Variants in CDH12 observed in about 807,000 individuals in gnomAD.
CDH12 encodes the protein cadherin-12.
CDH12 carries 41 observed loss-of-function variants against 74.1 expected under a neutral mutation model. The ratio of observed to expected loss-of-function variants is 0.55; its 90% CI spans 0.43 to 0.72. The LOEUF (loss-of-function observed/expected upper bound fraction) is 0.72, where lower values mean the gene tolerates loss of function less well. Among genes scored for constraint, CDH12 ranks in the 30% least tolerant of loss-of-function variants. The pLI is 0.00. For missense variants in CDH12, 945 were observed against 977.2 expected (o/e 0.97, Z 0.44); for synonymous variants, 399 against 355.0 (o/e 1.12, Z -1.39).
At chr5:21,829,995 T>G (rs1748913481) in intron 8 of CDH12, among the ~76,000 whole-genome samples, 2 of 151,840 alleles carry the variant, frequency 1.3e-5, no homozygotes, top group Admixed American at 1.3e-4. Context: ...GGTCAGGAAT[T>G]TAAGACCAGC....
At chr5:22,732,471 TACACACACACACAC>T (rs58402882) in intron 1 of CDH12, among the ~76,000 whole-genome samples, 8 of 72,666 alleles carry the variant, frequency 1.1e-4, no homozygotes, top group African/African-American at 4.0e-4. Flanking sequence ...TATATATATA[TACACACACACACAC>T]ACACACACAC....
At chr5:22,102,594 G>T (rs901421116) in intron 4 of CDH12, among the ~76,000 whole-genome samples, 1 of 152,034 alleles carries the variant, frequency 6.6e-6, no homozygotes, top group Non-Finnish European at 1.5e-5. Flanking sequence ...GCTTGTACCC[G>T]GGAGGCGTAG....
At chr5:22,090,722 T>C (rs1234150175) in intron 4 of CDH12, among the ~76,000 whole-genome samples, 5 of 151,918 alleles carry the variant, frequency 3.3e-5, no homozygotes, top group Non-Finnish European at 7.4e-5. Flanking sequence ...AAAGAGATTA[T>C]ACACTATGAC....
intron 6 of CDH12, among the ~76,000 whole-genome samples, chr5:21,913,827 G>A (rs1473079506): frequency 1.3e-5 from 2 of 151,906 alleles, no homozygotes; most frequent in Non-Finnish European, 2.9e-5. Flanking sequence ...GGGACTACAG[G>A]TATGCACCAC....
chr5:21,791,293 T>G (rs373648088), intron 10 of CDH12, among the ~76,000 whole-genome samples: 6 of 152,150 alleles, frequency 3.9e-5, no homozygotes, highest in Non-Finnish European at 1.5e-5. Context: ...AGACCATCAA[T>G]GAACTTGCAA....
At chr5:22,590,413 T>C (rs1740643744) in intron 1 of CDH12, among the ~76,000 whole-genome samples, 1 of 152,136 alleles carries the variant, frequency 6.6e-6, no homozygotes, top group Non-Finnish European at 1.5e-5. Context: ...TAAAAAAACA[T>C]GTAAAGTCTG....
intron 1 of CDH12, among the ~76,000 whole-genome samples, chr5:22,726,920 C>T (rs1301822961): frequency 1.3e-5 from 2 of 151,800 alleles, no homozygotes; most frequent in Admixed American, 6.6e-5. Context: ...TTTATAAACA[C>T]TCTTATTCTC....
intron 1 of CDH12, among the ~76,000 whole-genome samples, chr5:22,746,574 A>G (rs1348013181): frequency 6.6e-6 from 1 of 152,186 alleles, no homozygotes; most frequent in East Asian, 1.9e-4. Flanking sequence ...GCATGCAAAT[A>G]TATGTATTTC....
At chr5:22,393,979 A>G (rs1168726123) in intron 3 of CDH12, among the ~76,000 whole-genome samples, 1 of 152,086 alleles carries the variant, frequency 6.6e-6, no homozygotes, top group Non-Finnish European at 1.5e-5. Context: ...TTTACTGCTT[A>G]TTGAAAACTG....
At chr5:22,477,240 C>CCT (rs1420310355) in intron 2 of CDH12, among the ~76,000 whole-genome samples, 5 of 152,276 alleles carry the variant, frequency 3.3e-5, no homozygotes, top group African/African-American at 1.2e-4. Context: ...TGCTTTCCCT[C>CCT]CTCTCACCTT....
intron 8 of CDH12, among the ~76,000 whole-genome samples, chr5:21,832,351 A>C (rs1749070363): frequency 6.6e-6 from 1 of 152,050 alleles, no homozygotes; most frequent in South Asian, 2.1e-4. Context: ...TTATGTTTTA[A>C]ATTTGCTAAT....
At chr5:22,761,320 C>A (rs1253950286) in intron 1 of CDH12, among the ~76,000 whole-genome samples, 2 of 152,108 alleles carry the variant, frequency 1.3e-5, no homozygotes, top group Admixed American at 6.6e-5. Flanking sequence ...GGGTCAATTT[C>A]TTTTAAATCT....
At chr5:22,814,468 T>C (rs1749294027) in intron 1 of CDH12, among the ~76,000 whole-genome samples, 1 of 152,182 alleles carries the variant, frequency 6.6e-6, no homozygotes, top group Non-Finnish European at 1.5e-5. Flanking sequence ...TTTGAATGGA[T>C]ATCTCTGCTT....
chr5:22,058,029 CT>C (rs1403879310), intron 5 of CDH12, among the ~76,000 whole-genome samples: 3 of 150,702 alleles, frequency 2.0e-5, no homozygotes, highest in Admixed American at 1.3e-4. Context: ...ATCTATCTAT[CT>C]ATCTATCTAT....
At chr5:22,322,735 T>C (rs917945179) in intron 3 of CDH12, among the ~76,000 whole-genome samples, 1 of 152,226 alleles carries the variant, frequency 6.6e-6, no homozygotes, top group African/African-American at 2.4e-5. Flanking sequence ...CACAGACTTT[T>C]TATTGATGAA....
chr5:22,247,760 C>A (rs1455869376), intron 3 of CDH12, among the ~76,000 whole-genome samples: 1 of 152,122 alleles, frequency 6.6e-6, no homozygotes, highest in Non-Finnish European at 1.5e-5. Context: ...ATAAAAAATT[C>A]TATATGTCTT....
intron 1 of CDH12, among the ~76,000 whole-genome samples, chr5:22,692,217 G>A (rs1426351314): frequency 6.6e-6 from 1 of 152,190 alleles, no homozygotes; most frequent in Non-Finnish European, 1.5e-5. Flanking sequence ...ACCATGAACT[G>A]AAGCAGTCTG....
At chr5:22,041,864 C>T (rs1739595191) in intron 5 of CDH12, among the ~76,000 whole-genome samples, 1 of 152,020 alleles carries the variant, frequency 6.6e-6, no homozygotes, top group Non-Finnish European at 1.5e-5. Context: ...GATTCTTCTC[C>T]CATGCACATG....
chr5:22,068,466 C>T (rs906415155), intron 5 of CDH12, among the ~76,000 whole-genome samples: 1 of 152,114 alleles, frequency 6.6e-6, no homozygotes, highest in Middle Eastern at 3.2e-3. Flanking sequence ...TCTCAGTGGA[C>T]AGAACTTTTA....
Sources: gnomAD v4.1 joint callset for allele counts (sites outside exome capture counted in the v4.1 genomes callset) on GRCh38, gnomAD v4.1.1 for gene constraint, MANE v1.5 for transcripts, NCBI Gene and HGNC (gene_info 2026-07-23, HGNC 2026-07-21) for gene names.